Variants in KCNMA1 observed in about 807,000 individuals in gnomAD.
The protein encoded by KCNMA1 is Calcium-activated potassium channel subunit alpha-1.
A neutral mutation model predicts 140.0 loss-of-function variants in KCNMA1; 29 were observed. The observed-to-expected ratio is 0.21, with a 90% CI of 0.15 to 0.28. The LOEUF (loss-of-function observed/expected upper bound fraction) is 0.28, where lower values mean the gene tolerates loss of function less well. KCNMA1 is among the 10% of genes least tolerant of loss of function. The pLI is 1.00. For synonymous variants in KCNMA1, 612 were observed against 611.9 expected (o/e 1.00, Z 0.00); for missense variants, 880 against 1,602.2 (o/e 0.55, Z 7.70).
At chr10:77,095,045 C>T (rs1364248599) in intron 9 of KCNMA1, among the ~76,000 whole-genome samples, 1 of 152,178 alleles carries the variant, frequency 6.6e-6, no homozygotes, top group Non-Finnish European at 1.5e-5. Flanking sequence ...AGGACTTCCT[C>T]ACCAGCCTGG....
intron 1 of KCNMA1, among the ~76,000 whole-genome samples, chr10:77,495,301 G>A (rs748970091): frequency 2.1e-4 from 32 of 152,202 alleles, no homozygotes; most frequent in Admixed American, 3.9e-4. Context: ...CCTCCCGCCT[G>A]CACTGCTCTG....
intron 2 of KCNMA1, among the ~76,000 whole-genome samples, chr10:77,393,191 T>A (rs1329027835): frequency 6.6e-6 from 1 of 152,182 alleles, no homozygotes; most frequent in African/African-American, 2.4e-5. Context: ...AGGGCTTGCC[T>A]GGGGCATTCA....
intron 2 of KCNMA1, among the ~76,000 whole-genome samples, chr10:77,291,650 T>C (rs1262125788): frequency 2.0e-5 from 3 of 152,140 alleles, no homozygotes; most frequent in African/African-American, 4.8e-5. Context: ...CAGAAGGAAA[T>C]CTAAAAATCA....
intron 14 of KCNMA1, among the ~76,000 whole-genome samples, chr10:77,044,760 G>A (rs997992022): frequency 6.6e-6 from 1 of 152,166 alleles, no homozygotes; most frequent in Non-Finnish European, 1.5e-5. Context: ...TTTTATAGAT[G>A]ATAAAACTGA....
rs191676248 is a variant in KCNMA1 at position 77,010,384 on chromosome 10, T to C, written c.2092+1583A>G. Among the ~76,000 whole-genome samples, 440 of 152,128 alleles carry C rather than the reference T, an allele frequency of 2.9e-3. 1 individual carries two copies. Among genetic ancestry groups the C allele is most frequent in the Non-Finnish European group, 4.4e-3 (302 of 67,988 alleles). On this transcript the variant is annotated intron_variant, in intron 18 of 27. Coordinates refer to ENST00000286628, the MANE Select transcript of KCNMA1 (RefSeq NM_001161352.2). ...TTGGATTCATGGGGTCTGTGGGGGT[T>C]GAATGGGGAGTGAGGTTCATTCTAG...
At chr10:76,926,834 C>G (rs1055327627) in intron 23 of KCNMA1, among the ~76,000 whole-genome samples, 1 of 152,072 alleles carries the variant, frequency 6.6e-6, no homozygotes, top group South Asian at 2.1e-4. Flanking sequence ...ACAAGAGATG[C>G]GCACCAAATA....
At chr10:77,028,088 A>G (rs1022512062) in intron 15 of KCNMA1, among the ~76,000 whole-genome samples, 197 bp from the exon 16 acceptor site, 2 of 152,126 alleles carry the variant, frequency 1.3e-5, no homozygotes, top group Admixed American at 6.6e-5. Context: ...CTTGCAAGTG[A>G]TAAGGTGCTG....
chr10:77,563,316 T>G (rs1314174622), intron 1 of KCNMA1, among the ~76,000 whole-genome samples: 1 of 152,086 alleles, frequency 6.6e-6, no homozygotes, highest in African/African-American at 2.4e-5. Context: ...CTCTAAATAC[T>G]TAAAAGAACC....
At chr10:77,303,145 A>G (rs1470456198) in intron 2 of KCNMA1, among the ~76,000 whole-genome samples, 1 of 152,182 alleles carries the variant, frequency 6.6e-6, no homozygotes, top group Non-Finnish European at 1.5e-5. Flanking sequence ...CTCATTTACG[A>G]TGGCATTTAG....
intron 2 of KCNMA1, among the ~76,000 whole-genome samples, chr10:77,255,818 C>T (rs932673012): frequency 3.3e-5 from 5 of 149,530 alleles, no homozygotes; most frequent in African/African-American, 1.2e-4. Flanking sequence ...GAGGATGAGG[C>T]AGAAGAATCT....
intron 1 of KCNMA1, among the ~76,000 whole-genome samples, chr10:77,457,684 T>C (rs2097783420): frequency 6.6e-6 from 1 of 152,074 alleles, no homozygotes; most frequent in Non-Finnish European, 1.5e-5. Flanking sequence ...AACTCTGGGT[T>C]TCCTCTGGGG....
At chr10:77,205,211 T>G (rs1429423766) in intron 3 of KCNMA1, among the ~76,000 whole-genome samples, 1 of 152,196 alleles carries the variant, frequency 6.6e-6, no homozygotes, top group Non-Finnish European at 1.5e-5. Context: ...CCCCAGTTCG[T>G]TCTTCTCTCT....
At chr10:77,256,125 T>C (rs2060694379) in intron 2 of KCNMA1, among the ~76,000 whole-genome samples, 1 of 152,156 alleles carries the variant, frequency 6.6e-6, no homozygotes, top group African/African-American at 2.4e-5. Flanking sequence ...CCTCAGGTGA[T>C]GGAGCACTTC....
At chr10:77,189,104 G>A (rs749177293) in intron 3 of KCNMA1, among the ~76,000 whole-genome samples, 7 of 152,168 alleles carry the variant, frequency 4.6e-5, no homozygotes, top group Non-Finnish European at 1.0e-4. Context: ...TTCTGATTTA[G>A]TAGGTTTGGG....
At chr10:76,891,399 T>C (rs2040009597) in intron 26 of KCNMA1, 126 bp downstream of exon 26, 2 of 743,146 alleles carry the variant, frequency 2.7e-6, no homozygotes, top group Admixed American at 2.0e-5. Flanking sequence ...ATATCACCTC[T>C]TACAGTTATC....
At chr10:77,087,322 GAGATAGAT>G (rs1006273737) in intron 10 of KCNMA1, among the ~76,000 whole-genome samples, 1 of 152,068 alleles carries the variant, frequency 6.6e-6, no homozygotes, top group Non-Finnish European at 1.5e-5. Context: ...AATCTCTCTA[GAGATAGAT>G]AGATAGATAG....
chr10:77,217,573 C>T (rs749509113), intron 3 of KCNMA1: 1 of 456,168 alleles, frequency 2.2e-6, no homozygotes, highest in South Asian at 1.6e-5. Context: ...CGAATGAAAA[C>T]ATGGAGATAC....
intron 15 of KCNMA1, among the ~76,000 whole-genome samples, chr10:77,031,810 C>T (rs146879362): frequency 1.3e-5 from 2 of 152,322 alleles, no homozygotes; most frequent in African/African-American, 4.8e-5. Context: ...AGGATGCATG[C>T]TTTGCCTCAC....
intron 20 of KCNMA1, among the ~76,000 whole-genome samples, chr10:76,956,771 A>C (rs995984821): frequency 1.4e-4 from 21 of 152,210 alleles, no homozygotes; most frequent in Admixed American, 1.2e-3. Flanking sequence ...AAGAATACCA[A>C]GAAAAAAGCT....
Sources: gnomAD v4.1 joint callset for allele counts (sites outside exome capture counted in the v4.1 genomes callset) on GRCh38, gnomAD v4.1.1 for gene constraint, MANE v1.5 for transcripts, NCBI Gene and HGNC (gene_info 2026-07-23, HGNC 2026-07-21) for gene names.